Variants in KRT20 observed in about 807,000 individuals in gnomAD.
The protein encoded by KRT20 is keratin 20.
A neutral mutation model predicts 43.0 loss-of-function variants in KRT20; 41 were observed. That is an observed-to-expected ratio of 0.95 (90% CI 0.74 to 1.24). KRT20 has a LOEUF of 1.24. KRT20 is among the 50% of genes most tolerant of loss of function. KRT20 has a pLI of 0.00. For synonymous variants in KRT20, 207 were observed against 200.6 expected (o/e 1.03, Z -0.27); for missense variants, 533 against 521.2 (o/e 1.02, Z -0.22).
chr17:40,880,555 A>G, intron 3 of KRT20, 59 bp downstream of exon 3: 1 of 1,441,408 alleles, frequency 6.9e-7, no homozygotes, highest in Non-Finnish European at 9.6e-7. Flanking sequence ...TCCTCCTATT[A>G]TTAGTATTAT....
Position 40,882,649 on chromosome 17 carries a change from C to A in KRT20, c.396G>T (p.Lys132Asn). 6.7e-7 allele frequency: 1 copy of A among 1,482,774 alleles called. No individual in the cohort carries two copies. Among genetic ancestry groups the A allele is most frequent in the Non-Finnish European group, 9.0e-7 (1 of 1,105,920 alleles). The allele number at this position is 1,482,774 out of a possible 1,614,324, so 91.9% of individuals were successfully genotyped here. ...ACCGAGCATTTTGCAGTTGAGCATC[C>A]TTAATCTGGAAAATACATGAGAAAG... The part of the protein sequence containing the change: ...RQIEELRSQI[K>N]DAQLQNARCV... Residue 132 changes from lysine (K) to asparagine (N), a missense_variant, in exon 2 of 8, where the codon AAG becomes AAT. Physicochemically the swap from Lys to Asn is moderately conservative, Grantham distance 94. Coordinates refer to ENST00000167588, the MANE Select transcript of KRT20 (RefSeq NM_019010.3).
chr17:40,883,839 A>G (rs1017814264), intron 1 of KRT20, among the ~76,000 whole-genome samples: 2 of 152,224 alleles, frequency 1.3e-5, no homozygotes, highest in African/African-American at 4.8e-5. Flanking sequence ...TTTAAATGCC[A>G]TTGCTTCACA....
Position 40,880,165 on chromosome 17 carries a change from T to G in KRT20, c.727A>C (p.Arg243=), listed in dbSNP as rs374454685. The G allele has an allele frequency of 1.3e-5, 21 of 1,614,204 alleles. No individual in the cohort carries two copies. In the African/African-American group the frequency reaches 1.9e-4, roughly 14 times the overall value. Residue 243 remains arginine (R), a synonymous_variant, in exon 4 of 8, where the codon AGG becomes CGG. Transcript: ENST00000167588. Reference sequence around the variant, plus strand: ...TGGGCCATGACTTCATACTTCTGCCTCATTTCATTCATGATGACGCCAAGG... The same window carrying G: ...TGGGCCATGACTTCATACTTCTGCCGCATTTCATTCATGATGACGCCAAGG... The part of the protein sequence containing the change: ...LNLGVIMNEM[R]QKYEVMAQKN...
At chr17:40,884,592 A>G (rs1400730421) in intron 1 of KRT20, among the ~76,000 whole-genome samples, 2 of 152,330 alleles carry the variant, frequency 1.3e-5, no homozygotes, top group African/African-American at 4.8e-5. Context: ...AATTGTGTTA[A>G]ACATTAAAAA....
At chr17:40,879,364 A>T (rs1907486100) in intron 5 of KRT20, among the ~76,000 whole-genome samples, 1 of 152,206 alleles carries the variant, frequency 6.6e-6, no homozygotes, top group Admixed American at 6.5e-5. Context: ...TATAATGGAC[A>T]CATACAGGGG....
rs149855322 is a variant in KRT20, at chr17:40,882,689, T to TTTTTTTTATTTATTTA, written c.391-36_391-35insTAAATAAATAAAAAAA. 48 of 530,890 alleles carry TTTTTTTTATTTATTTA rather than the reference T, an allele frequency of 9.0e-5. No individual in the cohort carries two copies. In the African/African-American group the frequency reaches 9.3e-4, roughly 10 times the overall value. The allele number at this position is 530,890 out of a possible 1,614,324, so 32.9% of individuals were successfully genotyped here. On this transcript the variant is annotated intron_variant, in intron 1 of 7. Coordinates refer to ENST00000167588, the MANE Select transcript of KRT20 (RefSeq NM_019010.3). The stretch of plus-strand genomic sequence containing the variant: ...ACATGAGAAAGAATGACATTTTCTT[T>TTTTTTTTATTTATTTA]TTTATTTATTTATTTATTTATTTAT...
At chr17:40,880,865 T>C (rs1907566569) in intron 2 of KRT20, 95 bp from the exon 3 acceptor site, 1 of 896,348 alleles carries the variant, frequency 1.1e-6, no homozygotes, top group South Asian at 2.8e-5. Flanking sequence ...AAATGTGGCT[T>C]ATGAGGAGAT....
chr17:40,884,735 T>C (rs1206480837), intron 1 of KRT20, 61 bp downstream of exon 1: 1 of 1,544,634 alleles, frequency 6.5e-7, no homozygotes, highest in Non-Finnish European at 8.8e-7. Flanking sequence ...CTAACATAGA[T>C]AACCTCTTGA....
At position 40,882,598 on chromosome 17, in the gene KRT20, T is replaced by G. The variant is rs1907645132; in HGVS notation, c.447A>C (p.Lys149Asn). 6.4e-7 allele frequency: 1 copy of G among 1,573,382 alleles called. No homozygotes were observed. The highest frequency in any genetic ancestry group is 8.6e-7 in the Non-Finnish European group (1 of 1,157,956). The change falls in exon 2 of 8, where the codon AAA becomes AAC. Residue 149 changes from lysine (K) to asparagine (N), a missense_variant. Transcript: ENST00000167588. ...ARCVLQIDNA[K>N]LAAEDFRLKY... Reference sequence around the variant, plus strand: ...TCAGTCTGAAGTCCTCAGCAGCCAGTTTAGCATTATCAATTTGCAGGACAC... The same window carrying G: ...TCAGTCTGAAGTCCTCAGCAGCCAGGTTAGCATTATCAATTTGCAGGACAC...
rs1318713189 is a variant in KRT20, at chr17:40,876,382, T to G, written c.1254A>C (p.Lys418Asn). 1.1e-5 allele frequency: 18 copies of G among 1,612,016 alleles called. No homozygotes were observed. Among genetic ancestry groups the G allele is most frequent in the Non-Finnish European group, 1.5e-5 (18 of 1,178,212 alleles). Residue 418 changes from lysine (K) to asparagine (N), a missense_variant, in exon 8 of 8, where the codon AAA (lysine) becomes AAC (asparagine). By Grantham distance (94) the Lys-to-Asn change is moderately conservative. Coordinates refer to ENST00000167588, the MANE Select transcript of KRT20 (RefSeq NM_019010.3). ...VDGKVVSSEV[K>N]EVEENI Reference sequence around the variant, plus strand: ...CTATTTAGATATTTTCTTCCACCTCTTTGACTTCAGATGACACGACCTTGC... The same window carrying G: ...CTATTTAGATATTTTCTTCCACCTCGTTGACTTCAGATGACACGACCTTGC...
Position 40,881,358 on chromosome 17 carries a change from C to T in KRT20, c.474-588G>A, listed in dbSNP as rs1015984638. 2.6e-5 allele frequency among the ~76,000 whole-genome samples: 4 copies of T among 152,204 alleles called. No individual in the cohort carries two copies. The East Asian group carries it at 7.7e-4, about 29-fold the overall frequency. On this transcript the variant is annotated intron_variant, in intron 2 of 7. Coordinates refer to ENST00000167588, the MANE Select transcript of KRT20 (RefSeq NM_019010.3). Reference sequence around the variant, plus strand: ...CAACCTTTGGGGCTCAAGCAATCCTCTCACCTCAGCCTCCCAAGTAGCTGG... The same window carrying T: ...CAACCTTTGGGGCTCAAGCAATCCTTTCACCTCAGCCTCCCAAGTAGCTGG...
chr17:40,879,776 A>T (rs767443579), intron 5 of KRT20, 37 bp downstream of exon 5: 2 of 1,610,994 alleles, frequency 1.2e-6, no homozygotes, highest in East Asian at 4.5e-5. Context: ...TGGTAAACAC[A>T]TACTAGATTG....
intron 1 of KRT20, among the ~76,000 whole-genome samples, chr17:40,884,140 A>G (rs1426636072): frequency 2.6e-5 from 4 of 152,130 alleles, no homozygotes; most frequent in African/African-American, 9.7e-5. Context: ...TTTTTTGATG[A>G]CATAGGAGGA....
At chr17:40,882,926 T>A (rs1332900637) in intron 1 of KRT20, among the ~76,000 whole-genome samples, 1 of 151,924 alleles carries the variant, frequency 6.6e-6, no homozygotes, top group Non-Finnish European at 1.5e-5. Flanking sequence ...GCCAGGCTGG[T>A]CTTGAAGTTC....
chr17:40,879,874 A>G lies in KRT20; in HGVS notation c.857T>C (p.Leu286Pro), dbSNP rs547024797. Residue 286 changes from leucine (L) to proline (P), a missense_variant, in exon 5 of 8, where the codon CTA (leucine) becomes CCA (proline). By Grantham distance (98) the Leu-to-Pro change is moderately conservative. Transcript: ENST00000167588. Reference sequence around the variant, plus strand: ...CTGGGAGGTGCGTCTCAGCTCCGTTAGTTGAACCTCAGTTCCTTTTAATTC... The same window carrying G: ...CTGGGAGGTGCGTCTCAGCTCCGTTGGTTGAACCTCAGTTCCTTTTAATTC... ...TEELKGTEVQ[L>P]TELRRTSQSL... is the part of the protein sequence containing the mutation. 3.9e-5 allele frequency: 63 copies of G among 1,613,668 alleles called. 1 individual carries two copies. The Admixed American group carries it at 9.9e-4, about 25-fold the overall frequency.
At position 40,882,639 on chromosome 17, in the gene KRT20, G is replaced by A; in HGVS notation, c.406C>T (p.Leu136=). ...ELRSQIKDAQ[L]QNARCVLQID... is the part of the protein sequence containing the mutation. ...TGCAGGACACACCGAGCATTTTGCA[G>A]TTGAGCATCCTTAATCTGGAAAATA... The change falls in exon 2 of 8, where the codon CTG becomes TTG. Residue 136 remains leucine, a synonymous_variant. Transcript: ENST00000167588. 1 of 1,541,928 alleles carries A rather than the reference G, an allele frequency of 6.5e-7. No individual in the cohort carries two copies.
intron 7 of KRT20, among the ~76,000 whole-genome samples, chr17:40,877,101 T>A (rs762220774): frequency 5.3e-5 from 8 of 152,208 alleles, no homozygotes; most frequent in Non-Finnish European, 1.2e-4. Context: ...TCTTGCTCTC[T>A]GGTTCTCATG....
intron 3 of KRT20, 48 bp downstream of exon 3, chr17:40,880,566 A>G: frequency 6.5e-7 from 1 of 1,535,350 alleles, no homozygotes; most frequent in Non-Finnish European, 9.0e-7. Context: ...TTAGTATTAT[A>G]TAGAACCATT....
intron 7 of KRT20, 122 bp downstream of exon 7, chr17:40,877,258 G>A (rs1356857513): frequency 1.1e-5 from 8 of 698,016 alleles, no homozygotes; most frequent in Non-Finnish European, 1.7e-5. Context: ...TCCAGTCTCA[G>A]GTATTCTGTC....
Sources: allele counts gnomAD v4.1 joint callset (sites outside exome capture counted in the v4.1 genomes callset), GRCh38; gene constraint gnomAD v4.1.1; transcripts MANE v1.5; gene names NCBI Gene and HGNC (gene_info 2026-07-23, HGNC 2026-07-21).